The following PIGQ variants were observed in gnomAD, a reference collection of about 807,000 sequenced individuals.
The protein encoded by PIGQ is phosphatidylinositol N-acetylglucosaminyltransferase subunit Q.
In PIGQ, 54 loss-of-function variants were observed where a neutral mutation model predicts 60.3. The ratio of observed to expected loss-of-function variants is 0.90; its 90% CI spans 0.72 to 1.12. PIGQ has a LOEUF of 1.12. Ranked by LOEUF, PIGQ falls within the 50% of genes most tolerant of loss-of-function variation. The pLI is 0.00. For missense variants in PIGQ, 799 were observed against 793.5 expected, an observed-to-expected ratio of 1.01 and a Z score of -0.08; for synonymous variants, 416 against 363.7, an observed-to-expected ratio of 1.14 and a Z score of -1.64.
chr16:570,911 G>A (rs1328708951), intron 1 of PIGQ, among the ~76,000 whole-genome samples: 1 of 152,268 alleles, frequency 6.6e-6, no homozygotes, highest in Non-Finnish European at 1.5e-5. Flanking sequence ...TCACGGGGAG[G>A]AGAGGGAAGT....
chr16:581,974 G>A (rs113619665), intron 9 of PIGQ: 17,338 of 498,848 alleles, frequency 0.035, 468 homozygotes, highest in Non-Finnish European at 0.047. Flanking sequence ...ATGTTGGCCA[G>A]GCTGGTCTTG....
chr16:575,732 G>T, intron 2 of PIGQ, 107 bp from the exon 3 acceptor site: 1 of 1,254,848 alleles, frequency 8.0e-7, no homozygotes, highest in Non-Finnish European at 1.1e-6. Flanking sequence ...CCCCTGTCCT[G>T]CTGAGCTCAG....
In PIGQ at chr16:573,224, T is replaced by C. The variant is rs138605580; in HGVS notation, c.-9-842T>C. ...AGGCTGGTGTCCCTCAGCCTGAGAG[T>C]GCAGGATGCAGTTTCTCCACACCTC... On this transcript the variant is annotated intron_variant, in intron 1 of 10. Transcript: ENST00000321878. 2.5e-3 allele frequency among the ~76,000 whole-genome samples: 387 copies of C among 152,294 alleles called. 2 individuals are homozygous for C. The highest frequency in any genetic ancestry group is 7.9e-3 in the African/African-American group (329 of 41,562).
intron 4 of PIGQ, 143 bp downstream of exon 4, chr16:576,397 A>C: frequency 9.7e-7 from 1 of 1,027,670 alleles, no homozygotes. Context: ...CCTCCCCTGA[A>C]CCAGAAGCAG....
chr16:580,957 C>T lies in PIGQ; in HGVS notation c.1516C>T (p.Pro506Ser). 6.2e-7 allele frequency: 1 copy of T among 1,608,682 alleles called. No individual in the cohort carries two copies. The highest frequency in any genetic ancestry group is 8.5e-7 in the Non-Finnish European group (1 of 1,176,548). Residue 506 changes from proline (P) to serine (S), a missense_variant, in exon 9 of 11, where the codon CCC (proline) becomes TCC (serine). Physicochemically the swap from Pro to Ser is moderately conservative, Grantham distance 74. Transcript: ENST00000321878. Reference protein sequence around the residue: ...LYSLGLRLCRPYRLAAGVKFR... With the variant: ...LYSLGLRLCRSYRLAAGVKFR... ...CTCACTGGGTCTTCGGCTCTGCCGG[C>T]CCTACAGGCTGGCGGGTAAGTGCTG...
intron 4 of PIGQ, among the ~76,000 whole-genome samples, chr16:577,445 T>G (rs564493168): frequency 6.6e-6 from 1 of 151,812 alleles, no homozygotes; most frequent in Non-Finnish European, 1.5e-5. Flanking sequence ...GGTATGGTGG[T>G]GGGCACCTGT....
intron 1 of PIGQ, among the ~76,000 whole-genome samples, chr16:571,932 A>G (rs1159533941): frequency 6.6e-6 from 1 of 152,070 alleles, no homozygotes; most frequent in Non-Finnish European, 1.5e-5. Context: ...ATGAAGCACA[A>G]AGAATACACA....
At chr16:570,937 T>TA (rs2035607511) in intron 1 of PIGQ, among the ~76,000 whole-genome samples, 1 of 152,214 alleles carries the variant, frequency 6.6e-6, no homozygotes, top group African/African-American at 2.4e-5. Flanking sequence ...TCTTACTACT[T>TA]TATATGGTCG....
At chr16:577,607 C>A (rs1200612235) in intron 4 of PIGQ, among the ~76,000 whole-genome samples, 6 of 151,100 alleles carry the variant, frequency 4.0e-5, no homozygotes, top group Non-Finnish European at 8.8e-5. Flanking sequence ...GTGTTCTTTT[C>A]TCCTTCTTGC....
intron 1 of PIGQ, among the ~76,000 whole-genome samples, chr16:572,918 T>TG (rs562899958): frequency 8.3e-4 from 127 of 152,272 alleles, no homozygotes; most frequent in African/African-American, 2.8e-3. Context: ...GGCTCCAGCG[T>TG]GGGGGGTCTC....
Position 580,879 on chromosome 16 carries a change from G to T in PIGQ, c.1438G>T (p.Val480Leu). ...ACAGCTCCGGCTCCTGGTGGTCGCCGTGCAGGGCCTGATCCATCTGCTCGT... is the reference window on the plus strand; with the variant it reads ...ACAGCTCCGGCTCCTGGTGGTCGCCTTGCAGGGCCTGATCCATCTGCTCGT... ...FTLLRLLVVA[V>L]QGLIHLLVDL... Residue 480 changes from valine (V) to leucine (L), a missense_variant, in exon 9 of 11, where the codon GTG becomes TTG. Transcript: ENST00000321878. 1 of 1,570,534 alleles carries T rather than the reference G, an allele frequency of 6.4e-7. No individual in the cohort carries two copies. The highest frequency in any genetic ancestry group is 8.7e-7 in the Non-Finnish European group (1 of 1,146,130).
In PIGQ at chr16:580,871, T is replaced by A; in HGVS notation, c.1430T>A (p.Val477Glu). ...CCTCTGCCACAGCTCCGGCTCCTGG[T>A]GGTCGCCGTGCAGGGCCTGATCCAT... is the stretch of plus-strand genomic sequence containing the variant. ...YLVFTLLRLL[V>E]VAVQGLIHLL... Residue 477 changes from valine to glutamate, a missense_variant, in exon 9 of 11, where the codon GTG becomes GAG. Val to Glu is a moderately radical substitution (Grantham distance 121). Coordinates refer to ENST00000321878, the MANE Select transcript of PIGQ (RefSeq NM_004204.5). 6.6e-7 allele frequency: 1 copy of A among 1,519,488 alleles called. No homozygotes were observed. Among genetic ancestry groups the A allele is most frequent in the Non-Finnish European group, 9.1e-7 (1 of 1,100,892 alleles). The allele number at this position is 1,519,488 out of a possible 1,614,324, so 94.1% of individuals were successfully genotyped here.
intron 1 of PIGQ, among the ~76,000 whole-genome samples, chr16:573,026 A>C (rs2035660296): frequency 1.3e-5 from 2 of 152,326 alleles, no homozygotes; most frequent in African/African-American, 4.8e-5. Flanking sequence ...TAGTGCCCCC[A>C]CCGCTAGGGA....
chr16:579,315 A>AT (rs2035775265), intron 7 of PIGQ, 135 bp downstream of exon 7: 2 of 674,210 alleles, frequency 3.0e-6, no homozygotes, highest in African/African-American at 1.8e-5. Context: ...GGCCCTGGGA[A>AT]TAGATAAGTC....
chr16:580,929 G>C lies in PIGQ; in HGVS notation c.1488G>C (p.Leu496=). ...LLVDLINSLP[L]YSLGLRLCRP... Reference sequence around the variant, plus strand: ...TGGACCTCATCAACTCCCTGCCGCTGTACTCACTGGGTCTTCGGCTCTGCC... The same window carrying C: ...TGGACCTCATCAACTCCCTGCCGCTCTACTCACTGGGTCTTCGGCTCTGCC... Residue 496 remains leucine, a synonymous_variant, in exon 9 of 11, where the codon CTG becomes CTC. Coordinates refer to ENST00000321878, the MANE Select transcript of PIGQ (RefSeq NM_004204.5). 3.1e-6 allele frequency: 5 copies of C among 1,610,884 alleles called. No homozygotes were observed. Among genetic ancestry groups the C allele is most frequent in the African/African-American group, 2.7e-5 (2 of 75,048 alleles).
chr16:576,034 C>T, intron 3 of PIGQ, 64 bp downstream of exon 3: 2 of 1,549,506 alleles, frequency 1.3e-6, no homozygotes, highest in South Asian at 1.2e-5. Flanking sequence ...CTCCATCCCC[C>T]TCTGCACCAC....
rs748149180 is a variant in PIGQ, at chr16:582,216, G to A, written c.1532-32G>A. On this transcript the variant is annotated intron_variant, in intron 9 of 10. Coordinates refer to ENST00000321878, the MANE Select transcript of PIGQ (RefSeq NM_004204.5). ...TCATGTGTGGGGCCAGCCCCCACGC[G>A]TCCCCTCGTCAGCCGCTTGCTATCC... 3.8e-5 allele frequency: 56 copies of A among 1,486,374 alleles called. 1 individual carries two copies. Among genetic ancestry groups the A allele is most frequent in the South Asian group, 4.8e-5 (4 of 83,446 alleles). The allele number at this position is 1,486,374 out of a possible 1,614,324, so 92.1% of individuals were successfully genotyped here. A position where few individuals can be genotyped will look rare whatever the true frequency, so the allele number is the denominator to read the frequency against.
rs2035837683 is a variant in PIGQ at position 583,012 on chromosome 16, C to T, written c.1723C>T (p.Gln575Ter). 1.9e-6 allele frequency: 3 copies of T among 1,613,126 alleles called. No individual in the cohort carries two copies. Among genetic ancestry groups the T allele is most frequent in the Non-Finnish European group, 1.7e-6 (2 of 1,179,992 alleles). Residue 575 changes from glutamine to a stop codon, truncating the protein, a stop_gained, in exon 11 of 11, where the codon CAG (glutamine) becomes TAG (stop). Transcript: ENST00000321878. LOFTEE classifies it high-confidence loss of function. ...TGGGGAGCTCATCTACCCCTGGAGG[C>T]AGAGAGGGGACAAGCAGGACTGAGG... Reference protein sequence around the residue: ...FLGELIYPWRQRGDKQD With the variant: ...FLGELIYPWR
chr16:578,795 C>G lies in PIGQ; in HGVS notation c.1080C>G (p.His360Gln), dbSNP rs1246339172. ...YHIHLWISYI[H>Q]LMSPFVEHIL... ...ACCCCACCCTGCCAGGCTACATCCA[C>G]CTCATGTCCCCCTTCGTGGAGCACA... The change falls in exon 6 of 11, where the codon CAC (histidine) becomes CAG (glutamine). Residue 360 changes from histidine to glutamine, a missense_variant. By Grantham distance (24) the His-to-Gln change is conservative (BLOSUM62 0). Coordinates refer to ENST00000321878, the MANE Select transcript of PIGQ (RefSeq NM_004204.5). 1.2e-6 allele frequency: 2 copies of G among 1,613,478 alleles called. No individual in the cohort carries two copies. The highest frequency in any genetic ancestry group is 4.5e-5 in the East Asian group (2 of 44,882).
Sources: allele counts gnomAD v4.1 joint callset (sites outside exome capture counted in the v4.1 genomes callset), GRCh38; gene constraint gnomAD v4.1.1; transcripts MANE v1.5; gene names NCBI Gene and HGNC (gene_info 2026-07-23, HGNC 2026-07-21).